Variants in NEBL observed in about 807,000 individuals in gnomAD.
NEBL encodes the protein LIM and SH3 protein 2.
NEBL carries 122 observed loss-of-function variants against 140.2 expected under a neutral mutation model. The ratio of observed to expected loss-of-function variants is 0.87; its 90% confidence interval spans 0.75 to 1.01. The LOEUF is 1.01. NEBL is among the 50% of genes least tolerant of loss of function. The pLI is 0.00. For synonymous variants in NEBL, 436 were observed against 398.9 expected (o/e 1.09, Z -1.11); for missense variants, 1,365 against 1,231.3 (o/e 1.11, Z -1.62).
intron 2 of NEBL, among the ~76,000 whole-genome samples, chr10:21,094,499 C>CAAAA (rs72278772): frequency 3.3e-4 from 21 of 63,212 alleles, no homozygotes; most frequent in Admixed American, 8.7e-4. Flanking sequence ...GACTCCGTCT[C>CAAAA]AAAAAAAAAA....
chr10:20,832,971 C>T (rs1160319454), intron 14 of NEBL, among the ~76,000 whole-genome samples: 1 of 152,190 alleles, frequency 6.6e-6, no homozygotes, highest in Non-Finnish European at 1.5e-5. Flanking sequence ...TGAAATGTTT[C>T]ATTTGAAGGC....
intron 3 of NEBL, among the ~76,000 whole-genome samples, chr10:21,202,596 G>C (rs927886874): frequency 2.0e-5 from 3 of 151,114 alleles, no homozygotes; most frequent in African/African-American, 7.3e-5. Context: ...CCAAGTAGCT[G>C]GGACTACAGG....
intron 3 of NEBL, among the ~76,000 whole-genome samples, chr10:21,207,890 C>T (rs369397944): frequency 2.0e-5 from 3 of 152,144 alleles, no homozygotes; most frequent in East Asian, 3.9e-4. Context: ...AACGTAGGCC[C>T]GAAGCAGTCT....
chr10:21,263,949 C>G (rs183851375), intron 1 of NEBL, among the ~76,000 whole-genome samples: 1 of 152,228 alleles, frequency 6.6e-6, no homozygotes, highest in African/African-American at 2.4e-5. Context: ...TGGGCAATAA[C>G]AGTGAAACTC....
At chr10:21,206,385 G>C (rs1477241937) in intron 3 of NEBL, among the ~76,000 whole-genome samples, 3 of 152,238 alleles carry the variant, frequency 2.0e-5, no homozygotes, top group Non-Finnish European at 1.5e-5. Flanking sequence ...ACATGTGCTA[G>C]TGAAAATTCA....
At chr10:21,203,269 C>T (rs972532795) in intron 3 of NEBL, among the ~76,000 whole-genome samples, 7 of 152,306 alleles carry the variant, frequency 4.6e-5, no homozygotes, top group Admixed American at 1.3e-4. Context: ...GTTCTCTGTA[C>T]AGTCATTTCC....
chr10:21,260,072 G>A (rs536389720), intron 1 of NEBL, among the ~76,000 whole-genome samples: 1 of 152,270 alleles, frequency 6.6e-6, no homozygotes, highest in South Asian at 2.1e-4. Flanking sequence ...CTTGCATCTG[G>A]GTTTTCCTGT....
intron 3 of NEBL, among the ~76,000 whole-genome samples, chr10:20,984,539 C>T (rs1474310502): frequency 5.9e-5 from 9 of 152,042 alleles, no homozygotes; most frequent in South Asian, 2.1e-4. Context: ...AGTTGAAATT[C>T]GACTTGTTTT....
At chr10:20,921,156 A>G (rs141824968) in intron 4 of NEBL, among the ~76,000 whole-genome samples, 1,680 of 152,290 alleles carry the variant, frequency 0.011, 23 homozygotes, top group African/African-American at 0.03. Flanking sequence ...AAATGCTGAT[A>G]TTTTATTTAA....
intron 3 of NEBL, among the ~76,000 whole-genome samples, chr10:21,003,647 C>T (rs1186328961): frequency 6.6e-6 from 1 of 152,154 alleles, no homozygotes; most frequent in Non-Finnish European, 1.5e-5. Flanking sequence ...CTTGAATCGA[C>T]TTCGGTTGTA....
At chr10:20,939,481 T>G (rs1246143724) in intron 4 of NEBL, among the ~76,000 whole-genome samples, 1 of 152,154 alleles carries the variant, frequency 6.6e-6, no homozygotes, top group South Asian at 2.1e-4. Flanking sequence ...TGCAAAAACA[T>G]GCCAAATTGT....
intron 3 of NEBL, among the ~76,000 whole-genome samples, chr10:21,206,328 T>C (rs983170391): frequency 6.6e-6 from 1 of 152,244 alleles, no homozygotes; most frequent in African/African-American, 2.4e-5. Context: ...GCAACTCTAA[T>C]GCTTTGATAA....
intron 2 of NEBL, among the ~76,000 whole-genome samples, chr10:21,100,634 T>C (rs916695952): frequency 6.6e-6 from 1 of 152,190 alleles, no homozygotes; most frequent in Non-Finnish European, 1.5e-5. Context: ...CTTTAGATCA[T>C]TTCTAATTTT....
chr10:20,960,086 T>C (rs1764630051), intron 4 of NEBL, among the ~76,000 whole-genome samples: 1 of 152,112 alleles, frequency 6.6e-6, no homozygotes, highest in African/African-American at 2.4e-5. Context: ...TTAAAAGGCT[T>C]ACCTTTGATC....
At chr10:21,031,234 A>T (rs1833769089) in intron 2 of NEBL, among the ~76,000 whole-genome samples, 1 of 152,142 alleles carries the variant, frequency 6.6e-6, no homozygotes, top group Non-Finnish European at 1.5e-5. Flanking sequence ...GATGATGATG[A>T]ACCCTATGGG....
intron 1 of NEBL, among the ~76,000 whole-genome samples, chr10:21,263,725 G>C (rs1842766751): frequency 6.6e-6 from 1 of 152,216 alleles, no homozygotes; most frequent in Admixed American, 6.5e-5. Context: ...AGTACTTTGA[G>C]AGGCCGAGGC....
chr10:20,967,318 G>A (rs971641168), intron 3 of NEBL, among the ~76,000 whole-genome samples: 2 of 152,158 alleles, frequency 1.3e-5, no homozygotes, highest in Non-Finnish European at 2.9e-5. Context: ...ACGCTGAGGG[G>A]AGGAAAAAGC....
chr10:20,984,031 G>A (rs1172477006), intron 3 of NEBL, among the ~76,000 whole-genome samples: 2 of 150,836 alleles, frequency 1.3e-5, no homozygotes, highest in African/African-American at 4.9e-5. Context: ...CCAATAATTA[G>A]TTTTTTAATC....
intron 3 of NEBL, among the ~76,000 whole-genome samples, chr10:21,013,144 G>T (rs1445071443): frequency 1.3e-5 from 2 of 152,204 alleles, no homozygotes; most frequent in African/African-American, 4.8e-5. Context: ...GAATCGCAAA[G>T]GTTGGAGTTA....
Sources: gnomAD v4.1 joint callset for allele counts (sites outside exome capture counted in the v4.1 genomes callset) on GRCh38, gnomAD v4.1.1 for gene constraint, MANE v1.5 for transcripts, NCBI Gene and HGNC (gene_info 2026-07-23, HGNC 2026-07-21) for gene names.